The following CNTRL variants were observed in gnomAD, a reference collection of about 807,000 sequenced individuals.
The protein encoded by CNTRL is 110 kDa centrosomal protein.
CNTRL carries 233 observed loss-of-function variants against 303.7 expected under a neutral mutation model. The observed-to-expected ratio is 0.77, with a 90% confidence interval of 0.69 to 0.86. CNTRL has a LOEUF of 0.86. CNTRL is among the 40% of genes least tolerant of loss of function. CNTRL has a pLI of 0.00. For missense variants in CNTRL, 2,524 were observed against 2,650.6 expected (o/e 0.95, Z 1.05); for synonymous variants, 900 against 922.2 (o/e 0.98, Z 0.44).
rs1174260025 is a variant in CNTRL, at chr9:121,138,686, A to G, written c.2337+7A>G. 1 of 1,612,742 alleles carries G rather than the reference A, an allele frequency of 6.2e-7. No homozygotes were observed. Among genetic ancestry groups the G allele is most frequent in the Non-Finnish European group, 8.5e-7 (1 of 1,179,380 alleles). On this transcript the variant is annotated splice_region_variant and intron_variant, in intron 16 of 43. Coordinates refer to ENST00000373855, the MANE Select transcript of CNTRL (RefSeq NM_007018.6). Reference sequence around the variant, plus strand: ...AAAACTTAAACACTTGCAGGTAGAGATTTGTTGTTTTAGAATACATTCTTA... The same window carrying G: ...AAAACTTAAACACTTGCAGGTAGAGGTTTGTTGTTTTAGAATACATTCTTA...
chr9:121,158,707 C>T (rs535581123), intron 30 of CNTRL, 148 bp from the exon 31 acceptor site: 1 of 705,190 alleles, frequency 1.4e-6, no homozygotes, highest in East Asian at 2.5e-5. Context: ...TTAGGCATTT[C>T]ACCCTTGCAC....
intron 22 of CNTRL, 82 bp downstream of exon 22, chr9:121,145,467 G>A: frequency 7.3e-7 from 1 of 1,375,892 alleles, no homozygotes; most frequent in Non-Finnish European, 9.8e-7. Flanking sequence ...ACCTTTAACT[G>A]TTACAAATCA....
intron 15 of CNTRL, 93 bp downstream of exon 15, chr9:121,136,075 G>A (rs1016128991): frequency 4.0e-5 from 47 of 1,182,808 alleles, no homozygotes; most frequent in Non-Finnish European, 4.9e-5. Flanking sequence ...AAAATTAAGC[G>A]TTTTTTCATA....
Position 121,138,694 on chromosome 9 carries a change from T to C in CNTRL, c.2337+15T>C, listed in dbSNP as rs1195911749. ...AACACTTGCAGGTAGAGATTTGTTG[T>C]TTTAGAATACATTCTTACACAGAAC... On this transcript the variant is annotated intron_variant, in intron 16 of 43. Coordinates refer to ENST00000373855, the MANE Select transcript of CNTRL (RefSeq NM_007018.6). 3.7e-6 allele frequency: 6 copies of C among 1,611,716 alleles called. No individual in the cohort carries two copies. Among genetic ancestry groups the C allele is most frequent in the Non-Finnish European group, 5.1e-6 (6 of 1,178,968 alleles).
chr9:121,075,247 G>A (rs1165354342), intron 1 of CNTRL, among the ~76,000 whole-genome samples, 180 bp downstream of exon 1: 2 of 152,386 alleles, frequency 1.3e-5, no homozygotes, highest in South Asian at 2.1e-4. Context: ...CCCGGAACGG[G>A]CGTGGGGCGG....
At chr9:121,135,308 T>A (rs1047841024) in intron 14 of CNTRL, among the ~76,000 whole-genome samples, 2 of 152,236 alleles carry the variant, frequency 1.3e-5, no homozygotes, top group Non-Finnish European at 2.9e-5. Context: ...GTCGGAGATC[T>A]ACATTTGTAT....
intron 7 of CNTRL, among the ~76,000 whole-genome samples, chr9:121,106,722 A>G (rs934857845): frequency 1.3e-5 from 2 of 152,220 alleles, no homozygotes; most frequent in Non-Finnish European, 2.9e-5. Flanking sequence ...TTGACCTCCA[A>G]AAATGGCAAT....
rs1387288068 is a variant in CNTRL at position 121,157,731 on chromosome 9, G to A, written c.4497-9G>A. On this transcript the variant is annotated splice_polypyrimidine_tract_variant and intron_variant, in intron 28 of 43. Coordinates refer to ENST00000373855, the MANE Select transcript of CNTRL (RefSeq NM_007018.6). ...CAGGACCTGGGGGGAATAAAGCAAT[G>A]TGCTTTAGATCGCTCCAGGCTGATG... 2 of 1,613,060 alleles carry A rather than the reference G, an allele frequency of 1.2e-6. No individual in the cohort carries two copies. Among genetic ancestry groups the A allele is most frequent in the Admixed American group, 3.3e-5 (2 of 59,706 alleles).
chr9:121,115,070 G>A (rs2049916615), intron 10 of CNTRL, 21 bp from the exon 11 acceptor site: 3 of 1,433,694 alleles, frequency 2.1e-6, no homozygotes, highest in African/African-American at 1.4e-5. Context: ...TATTATGTGA[G>A]CATGGTTTTT....
In CNTRL at chr9:121,177,326, T is replaced by G. The variant is rs1252598093; in HGVS notation, c.*140T>G. ...AAACTCCACTGTAGTTTACTTTGCCTGTACCATTAATGCCAATGTTTTTAT... is the reference window on the plus strand; with the variant it reads ...AAACTCCACTGTAGTTTACTTTGCCGGTACCATTAATGCCAATGTTTTTAT... On this transcript the variant is annotated 3_prime_UTR_variant, in exon 44 of 44. Transcript: ENST00000373855. The G allele has an allele frequency of 2.0e-5, 14 of 700,500 alleles. No individual in the cohort carries two copies. Among genetic ancestry groups the G allele is most frequent in the Non-Finnish European group, 3.2e-5 (13 of 406,860 alleles). The allele number at this position is 700,500 out of a possible 1,614,324, so 43.4% of individuals were successfully genotyped here. A position where few individuals can be genotyped will look rare whatever the true frequency, so the allele number is the denominator to read the frequency against.
At chr9:121,121,299 A>G (rs2050213626) in intron 12 of CNTRL, among the ~76,000 whole-genome samples, 1 of 152,148 alleles carries the variant, frequency 6.6e-6, no homozygotes, top group Admixed American at 6.5e-5. Flanking sequence ...TTTGCAGAGG[A>G]TGAAAATGTG....
chr9:121,122,140 G>T (rs2050266644), intron 12 of CNTRL, among the ~76,000 whole-genome samples: 1 of 152,146 alleles, frequency 6.6e-6, no homozygotes, highest in Non-Finnish European at 1.5e-5. Flanking sequence ...TGCGTATAAA[G>T]GTTTTGGTGG....
chr9:121,130,754 C>G (rs1258781245), intron 14 of CNTRL, among the ~76,000 whole-genome samples: 1 of 152,158 alleles, frequency 6.6e-6, no homozygotes, highest in Non-Finnish European at 1.5e-5. Context: ...TTCCTGCTTT[C>G]TCTTGTGGGC....
chr9:121,105,134 T>C (rs1340077318), intron 7 of CNTRL, among the ~76,000 whole-genome samples: 2 of 151,998 alleles, frequency 1.3e-5, no homozygotes, highest in African/African-American at 4.8e-5. Flanking sequence ...TAGGCTGGAG[T>C]CTATGCCATA....
rs2051465466 is a variant in CNTRL at position 121,140,797 on chromosome 9, A to G, written c.2483+11A>G. 6.2e-7 allele frequency: 1 copy of G among 1,609,102 alleles called. No homozygotes were observed. The highest frequency in any genetic ancestry group is 1.1e-5 in the South Asian group (1 of 90,516). On this transcript the variant is annotated intron_variant, in intron 17 of 43. Transcript: ENST00000373855. The stretch of plus-strand genomic sequence containing the variant: ...AACTGGGGAAATGAAGTAAGGAAAA[A>G]GCAAGACCTCCAAGTCTAGAGTGGG...
At position 121,152,512 on chromosome 9, in the gene CNTRL, AT is replaced by A; in HGVS notation, c.3992del (p.Ile1331LysfsTer5). The A allele has an allele frequency of 6.2e-7, 1 of 1,614,056 alleles. No individual in the cohort carries two copies. On this transcript the variant is annotated frameshift_variant, in exon 26 of 44. Coordinates refer to ENST00000373855, the MANE Select transcript of CNTRL (RefSeq NM_007018.6). LOFTEE classifies it high-confidence loss of function. Reference sequence around the variant, plus strand: ...GAATGAAGTTTCTAGATTAGAAGACATAATGCAGCATTTAAAATCAAAGAAG... The same window carrying A: ...GAATGAAGTTTCTAGATTAGAAGACAAATGCAGCATTTAAAATCAAAGAAG... ...LENEVSRLED[I>X]MQHLKSKKRE... is the part of the protein sequence containing the mutation.
chr9:121,159,486 G>A (rs2052748983), intron 31 of CNTRL, among the ~76,000 whole-genome samples: 1 of 152,086 alleles, frequency 6.6e-6, no homozygotes, highest in South Asian at 2.1e-4. Context: ...ACAAAAATTA[G>A]CCAGGCATGG....
intron 14 of CNTRL, among the ~76,000 whole-genome samples, chr9:121,130,294 G>A (rs995260915): frequency 6.6e-6 from 1 of 152,094 alleles, no homozygotes; most frequent in Non-Finnish European, 1.5e-5. Context: ...ATTAATTATT[G>A]CCTCAATTTC....
chr9:121,076,620 G>C (rs1389620347), intron 1 of CNTRL, among the ~76,000 whole-genome samples: 1 of 152,128 alleles, frequency 6.6e-6, no homozygotes, highest in Non-Finnish European at 1.5e-5. Flanking sequence ...GAACCATAGA[G>C]AAATGGGGGA....
Sources: allele counts gnomAD v4.1 joint callset (sites outside exome capture counted in the v4.1 genomes callset), GRCh38; gene constraint gnomAD v4.1.1; transcripts MANE v1.5; gene names NCBI Gene and HGNC (gene_info 2026-07-23, HGNC 2026-07-21).